The following TPD52 variants were observed in gnomAD, a reference collection of about 807,000 sequenced individuals.
TPD52 encodes prostate and colon associated protein.
TPD52 carries 17 observed loss-of-function variants against 31.3 expected under a neutral mutation model. That is an observed-to-expected ratio of 0.54 (90% CI 0.37 to 0.82). The LOEUF (loss-of-function observed/expected upper bound fraction) is 0.82. Ranked by LOEUF, TPD52 falls within the 40% of genes least tolerant of loss-of-function variation. The pLI is 0.00. For synonymous variants in TPD52, 83 were observed against 89.6 expected, an observed-to-expected ratio of 0.93 and a Z score of 0.42; for missense variants, 212 against 240.1, an observed-to-expected ratio of 0.88 and a Z score of 0.77.
At chr8:80,063,820 G>T (rs1469392466) in intron 2 of TPD52, among the ~76,000 whole-genome samples, 1 of 146,196 alleles carries the variant, frequency 6.8e-6, no homozygotes, top group Non-Finnish European at 1.5e-5. Flanking sequence ...TAATAAAATG[G>T]TTAATTTTTA....
intron 1 of TPD52, among the ~76,000 whole-genome samples, chr8:80,093,218 G>A (rs1226135703): frequency 1.3e-5 from 2 of 152,112 alleles, no homozygotes; most frequent in East Asian, 3.8e-4. Flanking sequence ...TAATGGCTCA[G>A]TAATAAGAGA....
At chr8:80,057,036 G>A (rs1191567068) in intron 2 of TPD52, among the ~76,000 whole-genome samples, 1 of 152,012 alleles carries the variant, frequency 6.6e-6, no homozygotes, top group East Asian at 1.9e-4. Context: ...GCATGGTGGT[G>A]GTGTGCCTAT....
intron 1 of TPD52, among the ~76,000 whole-genome samples, chr8:80,112,729 C>T (rs1807584146): frequency 2.6e-5 from 4 of 152,140 alleles, no homozygotes; most frequent in Admixed American, 1.3e-4. Context: ...TTTCTTGCCT[C>T]CAGACTCTTC....
chr8:80,076,325 T>TA (rs138019604), intron 1 of TPD52, among the ~76,000 whole-genome samples: 5,185 of 152,204 alleles, frequency 0.034, 301 homozygotes, highest in African/African-American at 0.12. Context: ...TATGCAGCCA[T>TA]AAAAAAGAAC....
chr8:80,051,614 G>T lies in TPD52; in HGVS notation c.299C>A (p.Ser100Tyr). 6.2e-7 allele frequency: 1 copy of T among 1,605,572 alleles called. No individual in the cohort carries two copies. The highest frequency in any genetic ancestry group is 8.5e-7 in the Non-Finnish European group (1 of 1,177,398). Residue 100 changes from serine to tyrosine, a missense_variant, in exon 4 of 8, where the codon TCT becomes TAT. Physicochemically the swap from Ser to Tyr is moderately radical, Grantham distance 144. Coordinates refer to ENST00000518937, the MANE Select transcript of TPD52 (RefSeq NM_001025253.3). ...CTGTCCAGCCTGGGATAAGGTTTCA[G>T]ATGTCTTCTTGTAACTATATTAAAT... ...VTATSAYKKTSETLSQAGQKA... is the reference protein window; with the variant it reads ...VTATSAYKKTYETLSQAGQKA...
chr8:80,152,951 C>T (rs1435617430), intron 1 of TPD52, among the ~76,000 whole-genome samples: 1 of 151,848 alleles, frequency 6.6e-6, no homozygotes, highest in Non-Finnish European at 1.5e-5. Flanking sequence ...AGAGAGGGTA[C>T]ACAAAAACAT....
intron 1 of TPD52, among the ~76,000 whole-genome samples, chr8:80,108,418 AT>A (rs911372814): frequency 5.3e-4 from 81 of 152,276 alleles, no homozygotes; most frequent in Non-Finnish European, 1.1e-3. Flanking sequence ...AAATAACCAG[AT>A]TTTTTTGTCA....
intron 1 of TPD52, among the ~76,000 whole-genome samples, chr8:80,102,369 A>C (rs1486245572): frequency 6.6e-6 from 1 of 152,176 alleles, no homozygotes; most frequent in Non-Finnish European, 1.5e-5. Flanking sequence ...GGTTTTCCAG[A>C]GAAAGTGGTT....
At chr8:80,128,179 A>G (rs773414080) in intron 1 of TPD52, among the ~76,000 whole-genome samples, 1 of 151,948 alleles carries the variant, frequency 6.6e-6, no homozygotes, top group Non-Finnish European at 1.5e-5. Flanking sequence ...CTCACTTGAA[A>G]TCTGTTCATT....
chr8:80,050,412 C>A (rs1200286647), intron 5 of TPD52, 33 bp downstream of exon 5: 2 of 1,594,690 alleles, frequency 1.3e-6, no homozygotes, highest in South Asian at 1.1e-5. Context: ...TATACAACTG[C>A]TGGACTGCAG....
At chr8:80,145,434 G>A (rs1229982606) in intron 1 of TPD52, among the ~76,000 whole-genome samples, 3 of 152,202 alleles carry the variant, frequency 2.0e-5, no homozygotes, top group African/African-American at 7.2e-5. Context: ...TACTGAAGAA[G>A]CTAGACTATG....
At chr8:80,163,802 G>A (rs569797697) in intron 1 of TPD52, among the ~76,000 whole-genome samples, 1 of 152,110 alleles carries the variant, frequency 6.6e-6, no homozygotes, top group East Asian at 1.9e-4. Flanking sequence ...TACTCCAGGA[G>A]AGAAAGAGTT....
At chr8:80,155,026 TTCAC>T (rs1013905519) in intron 1 of TPD52, among the ~76,000 whole-genome samples, 1 of 150,936 alleles carries the variant, frequency 6.6e-6, no homozygotes, top group African/African-American at 2.4e-5. Context: ...GAGACAAGGT[TTCAC>T]TCAGTCACCC....
intron 1 of TPD52, among the ~76,000 whole-genome samples, chr8:80,111,677 C>T (rs1401505111): frequency 6.6e-6 from 1 of 152,122 alleles, no homozygotes; most frequent in African/African-American, 2.4e-5. Context: ...AGAATTTGTA[C>T]AAATGCATCT....
chr8:80,083,199 A>G (rs1815462030), intron 1 of TPD52, among the ~76,000 whole-genome samples: 1 of 152,328 alleles, frequency 6.6e-6, no homozygotes, highest in Admixed American at 6.5e-5. Flanking sequence ...TGTGCAAAAA[A>G]AAAAACAGGA....
At chr8:80,110,281 T>C (rs1426141) in intron 1 of TPD52, among the ~76,000 whole-genome samples, 50,606 of 151,916 alleles carry the variant, frequency 0.33, 9,898 homozygotes, top group East Asian at 0.72. Flanking sequence ...TGGTGCACTA[T>C]ATTCTCTCAA....
chr8:80,108,499 A>G (rs1807285434), intron 1 of TPD52, among the ~76,000 whole-genome samples: 1 of 152,178 alleles, frequency 6.6e-6, no homozygotes, highest in Non-Finnish European at 1.5e-5. Context: ...ATCCATAGGC[A>G]GTTATTGTTT....
At chr8:80,116,686 A>C (rs1206368601) in intron 1 of TPD52, among the ~76,000 whole-genome samples, 1 of 152,190 alleles carries the variant, frequency 6.6e-6, no homozygotes, top group Non-Finnish European at 1.5e-5. Flanking sequence ...TCGGACAAAG[A>C]TATCACAAGA....
rs1810576843 is a variant in TPD52 at position 80,043,630 on chromosome 8, G to A, written c.455+537C>T. 3.9e-5 allele frequency among the ~76,000 whole-genome samples: 6 copies of A among 152,186 alleles called. No homozygotes were observed. The South Asian group carries it at 1.2e-3, about 32-fold the overall frequency. ...GGCCCAGCAAGCAGCGGTTTCACAA[G>A]CACTCCAAGTGATTTTGATGGACAC... is the stretch of plus-strand genomic sequence containing the variant. On this transcript the variant is annotated intron_variant, in intron 6 of 7. Transcript: ENST00000518937.
Sources: gnomAD v4.1 joint callset for allele counts (sites outside exome capture counted in the v4.1 genomes callset) on GRCh38, gnomAD v4.1.1 for gene constraint, MANE v1.5 for transcripts, NCBI Gene and HGNC (gene_info 2026-07-23, HGNC 2026-07-21) for gene names.